THSD7B: variants seen among roughly 807,000 people sequenced by gnomAD.
THSD7B encodes thrombospondin type 1 domain containing 7B.
Under a neutral mutation model 213.6 loss-of-function variants are expected in THSD7B, and 138 were observed. That is an observed-to-expected ratio of 0.65 (90% CI 0.56 to 0.74). THSD7B has a LOEUF of 0.74. THSD7B is among the 30% of genes least tolerant of loss of function. The pLI, the probability that THSD7B is intolerant of heterozygous loss-of-function variation, is 0.00. For missense variants in THSD7B, 1,931 were observed against 1,991.5 expected (o/e 0.97, Z 0.58); for synonymous variants, 742 against 687.0 (o/e 1.08, Z -1.25).
intron 12 of THSD7B, among the ~76,000 whole-genome samples, chr2:137,282,008 A>C (rs1219573895): frequency 2.0e-5 from 3 of 152,176 alleles, no homozygotes; most frequent in Non-Finnish European, 2.9e-5. Context: ...GAACTAGTTT[A>C]TAGTCCCACC....
intron 5 of THSD7B, among the ~76,000 whole-genome samples, chr2:137,137,164 A>G (rs1024370539): frequency 3.3e-5 from 5 of 152,144 alleles, no homozygotes; most frequent in Non-Finnish European, 7.4e-5. Context: ...CTGAGGTGTA[A>G]TTTACAAACA....
chr2:137,448,595 G>A (rs1331691776), intron 14 of THSD7B, among the ~76,000 whole-genome samples: 1 of 151,958 alleles, frequency 6.6e-6, no homozygotes, highest in African/African-American at 2.4e-5. Context: ...AGATCACGAG[G>A]TCAGGAGATT....
intron 14 of THSD7B, among the ~76,000 whole-genome samples, chr2:137,437,202 A>G (rs1687313271): frequency 1.3e-5 from 2 of 152,142 alleles, no homozygotes; most frequent in Non-Finnish European, 2.9e-5. Flanking sequence ...TCAGAGCTAT[A>G]CTTCAAATGT....
chr2:137,449,381 C>T (rs993450939), intron 14 of THSD7B, among the ~76,000 whole-genome samples: 2 of 152,082 alleles, frequency 1.3e-5, no homozygotes, highest in African/African-American at 2.4e-5. Flanking sequence ...AAAAAAATAC[C>T]ACAGACTTCA....
chr2:136,861,306 G>T (rs1683256181), intron 1 of THSD7B, among the ~76,000 whole-genome samples: 1 of 152,166 alleles, frequency 6.6e-6, no homozygotes, highest in Non-Finnish European at 1.5e-5. Context: ...TTATTTCTTA[G>T]CCTTTTAAAA....
chr2:136,923,310 A>G (rs1194678538), intron 2 of THSD7B, among the ~76,000 whole-genome samples: 1 of 152,154 alleles, frequency 6.6e-6, no homozygotes, highest in East Asian at 1.9e-4. Context: ...ATAATATTCC[A>G]TTTTATTTAT....
intron 17 of THSD7B, among the ~76,000 whole-genome samples, chr2:137,575,982 A>C (rs1190814474): frequency 2.0e-5 from 3 of 151,996 alleles, no homozygotes; most frequent in African/African-American, 7.2e-5. Context: ...TTTTGTCCTG[A>C]TCCTACATAC....
At chr2:137,454,932 AAG>A (rs1319583687) in intron 15 of THSD7B, among the ~76,000 whole-genome samples, 1 of 152,196 alleles carries the variant, frequency 6.6e-6, no homozygotes, top group South Asian at 2.1e-4. Flanking sequence ...TTATAACGTT[AAG>A]AGAGGAACAC....
At chr2:137,220,556 A>T (rs1681345680) in intron 7 of THSD7B, among the ~76,000 whole-genome samples, 1 of 152,256 alleles carries the variant, frequency 6.6e-6, no homozygotes, top group South Asian at 2.1e-4. Flanking sequence ...TTAAGGGTGT[A>T]GAACAGTTAG....
intron 21 of THSD7B, among the ~76,000 whole-genome samples, chr2:137,645,067 A>G (rs1370456533): frequency 6.6e-6 from 1 of 152,038 alleles, no homozygotes; most frequent in African/African-American, 2.4e-5. Context: ...GGTTCTGCCA[A>G]TTTTTAGTTC....
chr2:137,359,417 G>A (rs1019055496), intron 12 of THSD7B, among the ~76,000 whole-genome samples: 2 of 152,168 alleles, frequency 1.3e-5, no homozygotes, highest in Non-Finnish European at 1.5e-5. Context: ...GAGTCAAAAC[G>A]TCAAGACATC....
intron 1 of THSD7B, among the ~76,000 whole-genome samples, chr2:136,881,395 A>ATG: frequency 2.0e-5 from 3 of 152,014 alleles, no homozygotes; most frequent in Non-Finnish European, 4.4e-5. Context: ...ACCGACACAG[A>ATG]GACTGTGGAG....
At chr2:137,084,364 G>A (rs140556677) in intron 3 of THSD7B, among the ~76,000 whole-genome samples, 3 of 152,308 alleles carry the variant, frequency 2.0e-5, no homozygotes, top group Admixed American at 6.5e-5. Flanking sequence ...AAAGCGATGA[G>A]TGGTAATTCA....
At chr2:137,363,706 A>G (rs1370283353) in intron 12 of THSD7B, among the ~76,000 whole-genome samples, 1 of 152,226 alleles carries the variant, frequency 6.6e-6, no homozygotes, top group East Asian at 1.9e-4. Context: ...TGAATCAGTG[A>G]ATAGACCAAT....
At chr2:137,458,638 C>A (rs1036939369) in intron 15 of THSD7B, among the ~76,000 whole-genome samples, 1 of 152,118 alleles carries the variant, frequency 6.6e-6, no homozygotes, top group Admixed American at 6.5e-5. Context: ...GTTGAGACAT[C>A]TATAGTATTG....
chr2:137,127,153 G>C (rs749855366), intron 5 of THSD7B, among the ~76,000 whole-genome samples: 1 of 152,174 alleles, frequency 6.6e-6, no homozygotes, highest in Non-Finnish European at 1.5e-5. Flanking sequence ...TTTGAAAAGT[G>C]GTGCTTACAG....
At position 137,232,883 on chromosome 2, in the gene THSD7B, T is replaced by TAATTTGGTAATTTGGTAA. The variant is rs772449952; in HGVS notation, c.1916-16_1916-15insAATTTGGTAATTTGGTAA. On this transcript the variant is annotated splice_polypyrimidine_tract_variant and intron_variant, in intron 8 of 27. Transcript: ENST00000409968. ...AGCAACCACTATGTATTACCTTTTG[T>TAATTTGGTAATTTGGTAA]TCTTATTTTTGGCAGGTGGAAAGCC... The TAATTTGGTAATTTGGTAA allele has an allele frequency of 6.2e-7, 1 of 1,612,410 alleles. No individual in the cohort carries two copies. The highest frequency in any genetic ancestry group is 8.5e-7 in the Non-Finnish European group (1 of 1,178,662).
chr2:137,159,924 A>C (rs1679981902), intron 5 of THSD7B, among the ~76,000 whole-genome samples: 1 of 152,108 alleles, frequency 6.6e-6, no homozygotes, highest in South Asian at 2.1e-4. Context: ...ACTCTAGATA[A>C]TTTGTATCTA....
chr2:137,608,129 G>A (rs372332849), intron 17 of THSD7B, among the ~76,000 whole-genome samples: 41 of 152,268 alleles, frequency 2.7e-4, no homozygotes, highest in African/African-American at 9.1e-4. Context: ...TAGACTGGGA[G>A]CATCTTTTGT....
Sources: gnomAD v4.1 joint callset for allele counts (sites outside exome capture counted in the v4.1 genomes callset) on GRCh38, gnomAD v4.1.1 for gene constraint, MANE v1.5 for transcripts, NCBI Gene and HGNC (gene_info 2026-07-23, HGNC 2026-07-21) for gene names.